The following CNTN5 variants were observed in gnomAD, a reference collection of about 807,000 sequenced individuals.
CNTN5 encodes the protein contactin 5.
In CNTN5, 77 loss-of-function variants were observed where a neutral mutation model predicts 129.1. That is an observed-to-expected ratio of 0.60 (90% CI 0.50 to 0.72). The LOEUF is 0.72. Ranked by LOEUF, CNTN5 falls within the 30% of genes least tolerant of loss-of-function variation. The probability of loss-of-function intolerance (pLI) is 0.00; values close to 1 mark genes in which losing one functional copy is unlikely to be tolerated. For missense variants in CNTN5, 1,478 were observed against 1,328.8 expected, an observed-to-expected ratio of 1.11 and a Z score of -1.75; for synonymous variants, 509 against 465.6, an observed-to-expected ratio of 1.09 and a Z score of -1.20.
At chr11:100,231,224 G>A (rs1455442240) in intron 16 of CNTN5, among the ~76,000 whole-genome samples, 1 of 152,212 alleles carries the variant, frequency 6.6e-6, no homozygotes, top group Non-Finnish European at 1.5e-5. Flanking sequence ...AGGATAAGAT[G>A]TGTCTTTAAA....
intron 1 of CNTN5, among the ~76,000 whole-genome samples, chr11:99,116,073 A>G (rs1858031394): frequency 6.6e-6 from 1 of 152,200 alleles, no homozygotes; most frequent in Admixed American, 6.5e-5. Flanking sequence ...CTCCAGCAGC[A>G]TTTGATAATT....
chr11:99,720,125 A>C (rs1943122039), intron 3 of CNTN5, among the ~76,000 whole-genome samples: 2 of 152,184 alleles, frequency 1.3e-5, no homozygotes, highest in East Asian at 3.9e-4. Context: ...GGTACTATAG[A>C]AACTATTTCA....
chr11:100,237,439 CTGAA>C (rs1456787539), intron 16 of CNTN5, among the ~76,000 whole-genome samples: 3 of 152,112 alleles, frequency 2.0e-5, no homozygotes, highest in Non-Finnish European at 4.4e-5. Flanking sequence ...TGCTTCTTCA[CTGAA>C]CAATACAAAA....
At chr11:100,325,721 C>A (rs1463604797) in intron 21 of CNTN5, among the ~76,000 whole-genome samples, 2 of 152,180 alleles carry the variant, frequency 1.3e-5, no homozygotes, top group East Asian at 3.9e-4. Context: ...CATCTCCCTG[C>A]ACAGCATAGA....
chr11:99,553,876 G>T (rs1194473793), intron 2 of CNTN5, among the ~76,000 whole-genome samples: 1 of 151,588 alleles, frequency 6.6e-6, no homozygotes, highest in Non-Finnish European at 1.5e-5. Flanking sequence ...TAAAAAGAAT[G>T]ACTTTTTAAG....
At chr11:99,429,401 T>A (rs1565575105) in intron 2 of CNTN5, among the ~76,000 whole-genome samples, 1 of 152,174 alleles carries the variant, frequency 6.6e-6, no homozygotes, top group Admixed American at 6.5e-5. Flanking sequence ...TTCACTTTTC[T>A]TGATAATCTA....
At chr11:99,194,675 G>T (rs190247163) in intron 1 of CNTN5, among the ~76,000 whole-genome samples, 1 of 151,924 alleles carries the variant, frequency 6.6e-6, no homozygotes, top group Non-Finnish European at 1.5e-5. Flanking sequence ...GCCCGATCTC[G>T]GCTCACTGCA....
chr11:99,840,445 A>G (rs1201805607), intron 4 of CNTN5, among the ~76,000 whole-genome samples: 1 of 152,138 alleles, frequency 6.6e-6, no homozygotes, highest in Non-Finnish European at 1.5e-5. Flanking sequence ...TTTAAGAAGT[A>G]TACTTGAGAA....
intron 2 of CNTN5, among the ~76,000 whole-genome samples, chr11:99,493,802 C>T (rs1034646027): frequency 6.6e-6 from 1 of 152,062 alleles, no homozygotes; most frequent in Non-Finnish European, 1.5e-5. Flanking sequence ...AAAGGATTTA[C>T]TTACCTTACA....
chr11:100,140,787 G>T (rs576860297), intron 13 of CNTN5, among the ~76,000 whole-genome samples: 78 of 152,270 alleles, frequency 5.1e-4, no homozygotes, highest in African/African-American at 1.9e-3. Context: ...TTCAAGGAAT[G>T]AAAGTGATTA....
At chr11:99,239,924 G>C (rs1340239560) in intron 1 of CNTN5, among the ~76,000 whole-genome samples, 1 of 139,236 alleles carries the variant, frequency 7.2e-6, no homozygotes, top group South Asian at 2.3e-4. Flanking sequence ...GCGACAGAGC[G>C]AGACTCCGTC....
intron 8 of CNTN5, among the ~76,000 whole-genome samples, chr11:99,992,713 A>G (rs737581): frequency 0.38 from 57,695 of 152,034 alleles, 12,412 homozygotes; most frequent in African/African-American, 0.59. Context: ...GCTCTAAATT[A>G]CGTGCCACTT....
At chr11:100,010,679 G>A (rs1413229328) in intron 9 of CNTN5, among the ~76,000 whole-genome samples, 1 of 152,082 alleles carries the variant, frequency 6.6e-6, no homozygotes, top group Non-Finnish European at 1.5e-5. Context: ...GGATGGAGCT[G>A]AGAGGTGGTC....
At chr11:99,635,373 C>T (rs182493540) in intron 3 of CNTN5, among the ~76,000 whole-genome samples, 10 of 152,186 alleles carry the variant, frequency 6.6e-5, no homozygotes, top group African/African-American at 2.2e-4. Flanking sequence ...AAAATGTTAA[C>T]AAAATTTCAC....
At chr11:100,272,549 A>C (rs538315274) in intron 18 of CNTN5, among the ~76,000 whole-genome samples, 1 of 152,184 alleles carries the variant, frequency 6.6e-6, no homozygotes, top group South Asian at 2.1e-4. Context: ...AGAAAAAAAA[A>C]TCCCAAGATG....
chr11:99,252,318 G>T (rs1227520616), intron 1 of CNTN5, among the ~76,000 whole-genome samples: 1 of 151,668 alleles, frequency 6.6e-6, no homozygotes, highest in Admixed American at 6.6e-5. Flanking sequence ...GTTACTTAAT[G>T]AGTTGTTTAA....
intron 2 of CNTN5, among the ~76,000 whole-genome samples, chr11:99,521,712 T>A (rs189847428): frequency 6.6e-6 from 1 of 152,340 alleles, no homozygotes; most frequent in East Asian, 1.9e-4. Context: ...GTTGCTGTAG[T>A]TGACTCTGAG....
chr11:99,858,378 G>A (rs865939736), intron 6 of CNTN5, among the ~76,000 whole-genome samples: 6 of 152,078 alleles, frequency 3.9e-5, no homozygotes, highest in Admixed American at 1.3e-4. Flanking sequence ...TTTTTGAACA[G>A]TCATTAAATT....
At chr11:99,926,631 C>T (rs1332300374) in intron 7 of CNTN5, among the ~76,000 whole-genome samples, 1 of 151,918 alleles carries the variant, frequency 6.6e-6, no homozygotes, top group Non-Finnish European at 1.5e-5. Context: ...AGTAAGATAC[C>T]ATGATACTCC....
Sources: allele counts gnomAD v4.1 joint callset (sites outside exome capture counted in the v4.1 genomes callset), GRCh38; gene constraint gnomAD v4.1.1; transcripts MANE v1.5; gene names NCBI Gene and HGNC (gene_info 2026-07-23, HGNC 2026-07-21).